ZNF737: variants seen among roughly 807,000 people sequenced by gnomAD.
ZNF737 encodes the protein zinc finger protein 102 (Y3).
In ZNF737, 13 loss-of-function variants were observed where a neutral mutation model predicts 11.7. That is an observed-to-expected ratio of 1.11 (90% CI 0.73 to 1.77). The LOEUF is 1.77. ZNF737 is among the 40% of genes most tolerant of loss of function. The pLI is 0.00. For synonymous variants in ZNF737, 217 were observed against 216.2 expected (o/e 1.00, Z -0.03); for missense variants, 636 against 638.0 (o/e 1.00, Z 0.03).
At position 20,542,725 on chromosome 19, in the gene ZNF737, C is replaced by T. The variant is rs567127818; in HGVS notation, c.*1867G>A. On this transcript the variant is annotated 3_prime_UTR_variant, in exon 4 of 4. Coordinates refer to ENST00000427401, the MANE Select transcript of ZNF737 (RefSeq NM_001159293.2). ...CTTCTCCACTTGTATTTTCATTATG[C>T]GTCTTACATTTTAATGTTCTTACTA... 8.1e-5 allele frequency: 80 copies of T among 984,162 alleles called. No homozygotes were observed. Among genetic ancestry groups the T allele is most frequent in the Middle Eastern group, 1.0e-3 (2 of 1,908 alleles). The allele number at this position is 984,162 out of a possible 1,614,324, so 61.0% of individuals were successfully genotyped here.
Position 20,544,061 on chromosome 19 carries a change from G to A in ZNF737, c.*531C>T, listed in dbSNP as rs1968328295. The A allele has an allele frequency of 1.2e-6, 1 of 848,598 alleles. No homozygotes were observed. The highest frequency in any genetic ancestry group is 1.4e-6 in the Non-Finnish European group (1 of 704,630). 52.6% of individuals were successfully genotyped at this position (848,598 alleles called of 1,614,324 possible). A position where few individuals can be genotyped will look rare whatever the true frequency, so the allele number is the denominator to read the frequency against. ...GAGAATGGCTTAAACCCAGGAGGCA[G>A]AGGTTGCAGTGAGCCGAGATCATGG... On this transcript the variant is annotated 3_prime_UTR_variant, in exon 4 of 4. Transcript: ENST00000427401.
intron 1 of ZNF737, among the ~76,000 whole-genome samples, chr19:20,565,292 C>G (rs1356329280): frequency 6.6e-6 from 1 of 152,152 alleles, no homozygotes; most frequent in Admixed American, 6.5e-5. Context: ...CAAAGCTCTT[C>G]CCATTCATGA....
At chr19:20,550,907 GT>G (rs1421042735) in intron 3 of ZNF737, among the ~76,000 whole-genome samples, 5 of 152,194 alleles carry the variant, frequency 3.3e-5, no homozygotes, top group African/African-American at 1.2e-4. Flanking sequence ...GTTTACCCAA[GT>G]TGGTCCCACA....
chr19:20,550,654 T>C (rs112239670), intron 3 of ZNF737, among the ~76,000 whole-genome samples: 3 of 152,198 alleles, frequency 2.0e-5, no homozygotes, highest in African/African-American at 7.2e-5. Context: ...CCATGGAACA[T>C]TAAGGTTGGA....
At chr19:20,533,529 A>T (rs1365687264), downstream of ZNF737, among the ~76,000 whole-genome samples, 1 of 149,786 alleles carries the variant, frequency 6.7e-6, no homozygotes, top group Non-Finnish European at 1.5e-5. Context: ...CCACTTTTTA[A>T]ATTATAGAGC....
chr19:20,537,511 A>ATTTTT (rs1163609628), downstream of ZNF737, among the ~76,000 whole-genome samples: 545 of 77,066 alleles, frequency 7.1e-3, 48 homozygotes, highest in African/African-American at 0.015. Context: ...CTGGTTTTCT[A>ATTTTT]TTTTTTTTTT....
intron 2 of ZNF737, among the ~76,000 whole-genome samples, chr19:20,553,090 T>C (rs181185962): frequency 2.1e-4 from 32 of 152,182 alleles, no homozygotes; most frequent in East Asian, 7.7e-4. Context: ...TTCCTGGTAC[T>C]ACTGAATCAA....
chr19:20,536,296 GTGAA>G (rs1967962912), downstream of ZNF737: 1 of 164,382 alleles, frequency 6.1e-6, no homozygotes, highest in Non-Finnish European at 1.3e-5. Context: ...TAAGAATATT[GTGAA>G]TGGTTATTTT....
At chr19:20,531,121 G>A (rs1422029282), downstream of ZNF737, among the ~76,000 whole-genome samples, 6 of 146,236 alleles carry the variant, frequency 4.1e-5, no homozygotes, top group Admixed American at 3.4e-4. Flanking sequence ...GCAGGCACTC[G>A]GCAGGCTGAG....
intron 1 of ZNF737, among the ~76,000 whole-genome samples, chr19:20,564,297 T>C (rs1329666862): frequency 6.6e-6 from 1 of 152,244 alleles, no homozygotes; most frequent in Non-Finnish European, 1.5e-5. Context: ...AACTGAGATA[T>C]TCACTGTCAC....
chr19:20,556,551 A>G (rs572710103), intron 1 of ZNF737, among the ~76,000 whole-genome samples: 18 of 152,164 alleles, frequency 1.2e-4, no homozygotes, highest in Non-Finnish European at 2.4e-4. Flanking sequence ...GGGTGTTTCA[A>G]AAACAAGTTC....
chr19:20,556,701 T>C (rs959394153), intron 1 of ZNF737, among the ~76,000 whole-genome samples: 4 of 152,184 alleles, frequency 2.6e-5, no homozygotes, highest in Non-Finnish European at 5.9e-5. Flanking sequence ...CCCATCTCCA[T>C]CCTAAAGTTT....
downstream of ZNF737, among the ~76,000 whole-genome samples, chr19:20,537,448 C>T (rs1263542656): frequency 1.1e-4 from 17 of 150,108 alleles, no homozygotes; most frequent in Non-Finnish European, 1.6e-4. Context: ...GTGATCCACC[C>T]GCCTCGGCCT....
rs1555754464 is a variant in ZNF737, at chr19:20,538,801, A to G, written c.*5791T>C. 1.0e-6 allele frequency: 1 copy of G among 985,320 alleles called. No homozygotes were observed. Among genetic ancestry groups the G allele is most frequent in the Non-Finnish European group, 1.2e-6 (1 of 829,938 alleles). The allele number at this position is 985,320 out of a possible 1,614,324, so 61.0% of individuals were successfully genotyped here. A position where few individuals can be genotyped will look rare whatever the true frequency, so the allele number is the denominator to read the frequency against. On this transcript the variant is annotated 3_prime_UTR_variant, in exon 4 of 4. Coordinates refer to ENST00000427401, the MANE Select transcript of ZNF737 (RefSeq NM_001159293.2). ...TGGGCTGTTATTTGCATAGCTAGAT[A>G]ATTACCAACTTTAGTCATACTATTT...
Position 20,565,716 on chromosome 19 carries a change from C to A in ZNF737, c.-76G>T, listed in dbSNP as rs12979592. On this transcript the variant is annotated 5_prime_UTR_variant, in exon 1 of 4. Coordinates refer to ENST00000427401, the MANE Select transcript of ZNF737 (RefSeq NM_001159293.2). ...CCTGCAGGACACAGGGCCACAGAGG[C>A]TGGGCCTCTAGGAGCAGAGGACACA... is the stretch of plus-strand genomic sequence containing the variant. The A allele has an allele frequency of 0.39, 626,182 of 1,605,724 alleles. 127,548 individuals are homozygous for A. The highest frequency in any genetic ancestry group is 0.42 in the Non-Finnish European group (496,950 of 1,172,528).
rs547166658 is a variant in ZNF737, at chr19:20,543,776, A to G, written c.*816T>C. ...GAGGTGTTCGTAAAAGCAATGTCAC[A>G]TTTTTTAGCTTTGCGGATTTCCTCT... On this transcript the variant is annotated 3_prime_UTR_variant, in exon 4 of 4. Coordinates refer to ENST00000427401, the MANE Select transcript of ZNF737 (RefSeq NM_001159293.2). The G allele has an allele frequency of 1.0e-6, 1 of 985,374 alleles. No homozygotes were observed. The highest frequency in any genetic ancestry group is 6.1e-5 in the Admixed American group (1 of 16,262). The allele number at this position is 985,374 out of a possible 1,614,324, so 61.0% of individuals were successfully genotyped here. A position where few individuals can be genotyped will look rare whatever the true frequency, so the allele number is the denominator to read the frequency against.
intron 1 of ZNF737, among the ~76,000 whole-genome samples, chr19:20,560,562 C>G (rs1410239877): frequency 6.6e-6 from 1 of 152,110 alleles, no homozygotes; most frequent in Non-Finnish European, 1.5e-5. Flanking sequence ...AGGTTGATCA[C>G]TTGAGGTCAG....
rs1968223189 is a variant in ZNF737 at position 20,541,936 on chromosome 19, CATAA to C, written c.*2652_*2655del. On this transcript the variant is annotated 3_prime_UTR_variant, in exon 4 of 4. Coordinates refer to ENST00000427401, the MANE Select transcript of ZNF737 (RefSeq NM_001159293.2). ...CTGAGTCAAAAGATGCCATATAAGG[CATAA>C]ATATATACACATATTATATACCCAC... 1.2e-6 allele frequency: 1 copy of C among 812,026 alleles called. No homozygotes were observed. Among genetic ancestry groups the C allele is most frequent in the South Asian group, 5.7e-5 (1 of 17,608 alleles). The allele number at this position is 812,026 out of a possible 1,614,324, so 50.3% of individuals were successfully genotyped here. A position where few individuals can be genotyped will look rare whatever the true frequency, so the allele number is the denominator to read the frequency against.
Position 20,545,926 on chromosome 19 carries a change from C to A in ZNF737, c.277G>T (p.Asp93Tyr). Residue 93 changes from aspartate (D) to tyrosine (Y), a missense_variant, in exon 4 of 4, where the codon GAT (aspartate) becomes TAT (tyrosine). Coordinates refer to ENST00000427401, the MANE Select transcript of ZNF737 (RefSeq NM_001159293.2). ...RDLWPEQSIK[D>Y]SFQKVTLRRY... ...CTCAGTGTCACTTTTTGGAAAGAATCTTTTATGCTCTGCTCTGGCCAAAGA... is the reference window on the plus strand; with the variant it reads ...CTCAGTGTCACTTTTTGGAAAGAATATTTTATGCTCTGCTCTGGCCAAAGA... 6.3e-7 allele frequency: 1 copy of A among 1,589,808 alleles called. No individual in the cohort carries two copies. Among genetic ancestry groups the A allele is most frequent in the Non-Finnish European group, 8.5e-7 (1 of 1,171,094 alleles).
Sources: allele counts gnomAD v4.1 joint callset (sites outside exome capture counted in the v4.1 genomes callset), GRCh38; gene constraint gnomAD v4.1.1; transcripts MANE v1.5; gene names NCBI Gene and HGNC (gene_info 2026-07-23, HGNC 2026-07-21).